The following FHIT variants were observed in gnomAD, a reference collection of about 807,000 sequenced individuals.
FHIT encodes fragile histidine triad diadenosine triphosphatase, also known as bis(5'-adenosyl)-triphosphatase.
Under a neutral mutation model 17.9 loss-of-function variants are expected in FHIT, and 19 were observed. The ratio of observed to expected loss-of-function variants is 1.06; its 90% CI spans 0.74 to 1.56. The LOEUF (loss-of-function observed/expected upper bound fraction) is 1.56. Ranked by LOEUF, FHIT falls within the 40% of genes most tolerant of loss-of-function variation. The pLI is 0.00. For synonymous variants in FHIT, 81 were observed against 69.7 expected (o/e 1.16, Z -0.81); for missense variants, 248 against 189.2 (o/e 1.31, Z -1.82).
At chr3:60,699,772 CAT>C (rs373854490) in intron 4 of FHIT, among the ~76,000 whole-genome samples, 4,185 of 144,688 alleles carry the variant, frequency 0.029, 209 homozygotes, top group African/African-American at 0.11. Flanking sequence ...CACACACACA[CAT>C]ACACACATAC....
At chr3:60,966,267 C>T (rs2107515982) in intron 3 of FHIT, among the ~76,000 whole-genome samples, 1 of 152,254 alleles carries the variant, frequency 6.6e-6, no homozygotes, top group South Asian at 2.1e-4. Flanking sequence ...CCTGGTGTGC[C>T]CTTTGCTAAG....
chr3:60,256,568 T>C (rs1706005669), intron 5 of FHIT, among the ~76,000 whole-genome samples: 1 of 152,212 alleles, frequency 6.6e-6, no homozygotes, highest in African/African-American at 2.4e-5. Context: ...ACAGGTAACT[T>C]GCCTGAGGTT....
intron 5 of FHIT, among the ~76,000 whole-genome samples, chr3:60,520,317 C>T (rs1222634072): frequency 6.6e-6 from 1 of 151,930 alleles, no homozygotes; most frequent in African/African-American, 2.4e-5. Flanking sequence ...GAAGTGGACC[C>T]ACACATTTCA....
intron 4 of FHIT, among the ~76,000 whole-genome samples, chr3:60,630,958 AC>A (rs1474558863): frequency 0.029 from 1,013 of 34,898 alleles, 19 homozygotes; most frequent in Admixed American, 0.055. Context: ...AAAAAAAAAC[AC>A]ACAGAAATAA....
In FHIT at chr3:59,889,274, T is replaced by C. The variant is rs201069343; in HGVS notation, c.348+33072A>G. On this transcript the variant is annotated intron_variant, in intron 8 of 9. Coordinates refer to ENST00000492590, the MANE Select transcript of FHIT (RefSeq NM_002012.4). ...TCAAGAGGCAGTCCAGCCTTTCTAA[T>C]TCATACTGTCTGACATCCATCCAGT... 1.2e-4 allele frequency among the ~76,000 whole-genome samples: 19 copies of C among 152,354 alleles called. No individual in the cohort carries two copies. In the East Asian group the frequency reaches 2.5e-3, roughly 20 times the overall value.
At chr3:60,043,095 T>C (rs1014465798) in intron 5 of FHIT, among the ~76,000 whole-genome samples, 1 of 152,194 alleles carries the variant, frequency 6.6e-6, no homozygotes, top group Non-Finnish European at 1.5e-5. Context: ...CTAATCAAGC[T>C]GTGAAGGACT....
At chr3:60,194,785 G>A (rs567244835) in intron 5 of FHIT, among the ~76,000 whole-genome samples, 1 of 152,166 alleles carries the variant, frequency 6.6e-6, no homozygotes, top group East Asian at 1.9e-4. Context: ...GACATGAACA[G>A]ACATTTCTCA....
At chr3:60,067,061 T>A (rs977031605) in intron 5 of FHIT, among the ~76,000 whole-genome samples, 1 of 152,108 alleles carries the variant, frequency 6.6e-6, no homozygotes, top group South Asian at 2.1e-4. Context: ...AGAAAATAGA[T>A]GCACCTGTCC....
chr3:60,732,336 G>A (rs868908616), intron 4 of FHIT: 4 of 921,962 alleles, frequency 4.3e-6, no homozygotes, highest in Middle Eastern at 2.2e-4. Flanking sequence ...TCCAGCATTT[G>A]CCATGGGCAA....
chr3:60,802,834 C>T (rs1701239901), intron 4 of FHIT, among the ~76,000 whole-genome samples: 1 of 151,978 alleles, frequency 6.6e-6, no homozygotes, highest in Non-Finnish European at 1.5e-5. Context: ...CTCTTGTTTC[C>T]CAGCAATCTA....
intron 4 of FHIT, among the ~76,000 whole-genome samples, chr3:60,643,287 T>C (rs1392299871): frequency 1.3e-5 from 2 of 152,044 alleles, no homozygotes; most frequent in South Asian, 2.1e-4. Context: ...CCTATGCTCA[T>C]AGATGGGTAG....
rs967027015 is a variant in FHIT, at chr3:60,351,797, C to A, written c.103+185063G>T. ...CATCTTTGTCATTCTCTGCTCATAT[C>A]TTATTTCCTAACACAACAAAATCAC... On this transcript the variant is annotated intron_variant, in intron 5 of 9. Coordinates refer to ENST00000492590, the MANE Select transcript of FHIT (RefSeq NM_002012.4). Among the ~76,000 whole-genome samples the A allele has an allele frequency of 2.0e-5, 3 of 152,200 alleles. No individual in the cohort carries two copies. The East Asian group carries it at 5.8e-4, about 29-fold the overall frequency.
At position 60,877,606 on chromosome 3, in the gene FHIT, G is replaced by T. The variant is rs556223650; in HGVS notation, c.-110-55595C>A. Among the ~76,000 whole-genome samples the T allele has an allele frequency of 3.3e-5, 5 of 152,322 alleles. No individual in the cohort carries two copies. The East Asian group carries it at 9.7e-4, about 29-fold the overall frequency. ...TGCCTGGGCCACACAGAACAGTCATGCCTGAGTTAAAGTGTCACATTGCCC... is the reference window on the plus strand; with the variant it reads ...TGCCTGGGCCACACAGAACAGTCATTCCTGAGTTAAAGTGTCACATTGCCC... On this transcript the variant is annotated intron_variant, in intron 3 of 9. Transcript: ENST00000492590.
intron 7 of FHIT, among the ~76,000 whole-genome samples, chr3:59,926,087 G>A (rs1216302897): frequency 1.3e-5 from 2 of 152,196 alleles, no homozygotes; most frequent in Non-Finnish European, 2.9e-5. Flanking sequence ...AGCTAGAAGA[G>A]TATCTTTTTA....
chr3:61,215,313 T>C (rs1186226480), intron 1 of FHIT, among the ~76,000 whole-genome samples: 1 of 151,758 alleles, frequency 6.6e-6, no homozygotes, highest in African/African-American at 2.4e-5. Flanking sequence ...TTCAGCAAAG[T>C]CTCAGGATAC....
intron 3 of FHIT, among the ~76,000 whole-genome samples, chr3:60,904,375 T>C (rs550707636): frequency 7.2e-5 from 11 of 152,082 alleles, no homozygotes; most frequent in African/African-American, 2.7e-4. Flanking sequence ...AAGGCAACTA[T>C]TAATGTAAAA....
At chr3:59,847,120 CA>C (rs1184899029) in intron 8 of FHIT, among the ~76,000 whole-genome samples, 1 of 152,078 alleles carries the variant, frequency 6.6e-6, no homozygotes, top group Non-Finnish European at 1.5e-5. Context: ...TCATGTCATT[CA>C]ACAAATTTGG....
At chr3:60,187,443 T>C (rs1400699549) in intron 5 of FHIT, among the ~76,000 whole-genome samples, 3 of 152,192 alleles carry the variant, frequency 2.0e-5, no homozygotes, top group African/African-American at 7.2e-5. Flanking sequence ...GTTCCATTGC[T>C]GGTGCCCTCG....
chr3:60,897,537 T>C (rs1705891148), intron 3 of FHIT, among the ~76,000 whole-genome samples: 1 of 152,240 alleles, frequency 6.6e-6, no homozygotes, highest in South Asian at 2.1e-4. Context: ...GAAAAACCTT[T>C]CCTTGTGCTT....
Sources: allele counts gnomAD v4.1 joint callset (sites outside exome capture counted in the v4.1 genomes callset), GRCh38; gene constraint gnomAD v4.1.1; transcripts MANE v1.5; gene names NCBI Gene and HGNC (gene_info 2026-07-23, HGNC 2026-07-21).